The following PAPPA2 variants were observed in gnomAD, a reference collection of about 807,000 sequenced individuals.
PAPPA2 encodes pappalysin-2.
In PAPPA2, 86 loss-of-function variants were observed where a neutral mutation model predicts 176.4. That is an observed-to-expected ratio of 0.49 (90% CI 0.41 to 0.58). PAPPA2 has a LOEUF of 0.58. Ranked by LOEUF, PAPPA2 falls within the 20% of genes least tolerant of loss-of-function variation. PAPPA2 has a pLI of 0.00. For synonymous variants in PAPPA2, 809 were observed against 852.2 expected, an observed-to-expected ratio of 0.95 and a Z score of 0.88; for missense variants, 2,073 against 2,256.9, an observed-to-expected ratio of 0.92 and a Z score of 1.65.
intron 17 of PAPPA2, among the ~76,000 whole-genome samples, chr1:176,786,890 C>G (rs1047056840): frequency 3.9e-5 from 6 of 152,082 alleles, no homozygotes; most frequent in Non-Finnish European, 8.8e-5. Flanking sequence ...TACATGGACA[C>G]AAAGAAGGGA....
rs1234223998 is a variant in PAPPA2, at chr1:176,798,405, T to C, written c.5131-1656T>C. On this transcript the variant is annotated intron_variant, in intron 20 of 22. Coordinates refer to ENST00000367662, the MANE Select transcript of PAPPA2 (RefSeq NM_020318.3). ...GAGGTATTTATATGTTTGGTCTGAA[T>C]TGAATAACTGACTGATTAGGGTGGG... 2.6e-5 allele frequency among the ~76,000 whole-genome samples: 4 copies of C among 152,168 alleles called. No individual in the cohort carries two copies. In the East Asian group the frequency reaches 5.8e-4, roughly 22 times the overall value.
chr1:176,533,651 A>G (rs1044104260), intron 1 of PAPPA2, among the ~76,000 whole-genome samples: 5 of 152,210 alleles, frequency 3.3e-5, no homozygotes, highest in African/African-American at 4.8e-5. Context: ...TTCCTTCTAC[A>G]TGGATTCTGC....
At chr1:176,689,336 G>A (rs150011317) in intron 4 of PAPPA2, among the ~76,000 whole-genome samples, 365 of 152,276 alleles carry the variant, frequency 2.4e-3, no homozygotes, top group African/African-American at 8.5e-3. Flanking sequence ...AAGCCTGATT[G>A]GATGCAATGA....
At chr1:176,728,059 A>G (rs1661966265) in intron 12 of PAPPA2, among the ~76,000 whole-genome samples, 1 of 151,996 alleles carries the variant, frequency 6.6e-6, no homozygotes, top group Non-Finnish European at 1.5e-5. Flanking sequence ...GAATCAAAAT[A>G]AGATCAACAA....
At chr1:176,630,907 A>G (rs1034436220) in intron 3 of PAPPA2, among the ~76,000 whole-genome samples, 11 of 152,224 alleles carry the variant, frequency 7.2e-5, no homozygotes, top group South Asian at 2.1e-4. Context: ...AAAATTAAAT[A>G]TGCAGTTTGA....
At chr1:176,594,483 C>T (rs1439843439) in intron 2 of PAPPA2, 41 bp from the exon 3 acceptor site, 1 of 1,515,912 alleles carries the variant, frequency 6.6e-7, no homozygotes, top group Admixed American at 1.8e-5. Flanking sequence ...CCCTTTGTAT[C>T]TGGTATCTGT....
chr1:176,544,024 C>T (rs1051470192), intron 1 of PAPPA2, among the ~76,000 whole-genome samples: 3 of 152,302 alleles, frequency 2.0e-5, no homozygotes, highest in Non-Finnish European at 4.4e-5. Flanking sequence ...TAGACTCTAT[C>T]ATTTAAGTTT....
Position 176,585,533 on chromosome 1 carries a change from A to G in PAPPA2, c.920-8991A>G, listed in dbSNP as rs1294002183. 5.9e-5 allele frequency among the ~76,000 whole-genome samples: 9 copies of G among 152,162 alleles called. No homozygotes were observed. In the East Asian group the frequency reaches 1.7e-3, roughly 29 times the overall value. Reference sequence around the variant, plus strand: ...TCTGAATGTCCACCCCTTTTCTAAGACATGAGAAGTTTTTCACTATTATTT... The same window carrying G: ...TCTGAATGTCCACCCCTTTTCTAAGGCATGAGAAGTTTTTCACTATTATTT... On this transcript the variant is annotated intron_variant, in intron 2 of 22. Transcript: ENST00000367662.
At chr1:176,763,985 C>G (rs1010976934) in intron 14 of PAPPA2, among the ~76,000 whole-genome samples, 3 of 152,162 alleles carry the variant, frequency 2.0e-5, no homozygotes, top group East Asian at 1.9e-4. Context: ...GTATGCTCGG[C>G]TTTCTTGCTG....
At position 176,844,491 on chromosome 1, in the gene PAPPA2, A is replaced by C. The variant is rs1450389201; in HGVS notation, c.*2037A>C. 1 of 152,158 alleles carries C rather than the reference A, an allele frequency of 6.6e-6. No homozygotes were observed. Among genetic ancestry groups the C allele is most frequent in the African/African-American group, 2.4e-5 (1 of 41,436 alleles). 9.4% of individuals were successfully genotyped at this position (152,158 alleles called of 1,614,324 possible). On this transcript the variant is annotated 3_prime_UTR_variant, in exon 23 of 23. Transcript: ENST00000367662. ...AGTTATTGGGAAAAGGAAAGAGCAGAGTTCACCCATTCAAAAAAAACCTTT... is the reference window on the plus strand; with the variant it reads ...AGTTATTGGGAAAAGGAAAGAGCAGCGTTCACCCATTCAAAAAAAACCTTT...
chr1:176,591,124 C>A (rs888240363), intron 2 of PAPPA2, among the ~76,000 whole-genome samples: 34 of 141,934 alleles, frequency 2.4e-4, no homozygotes, highest in Admixed American at 1.3e-3. Context: ...CACACACACA[C>A]AAAATTCCAG....
chr1:176,678,377 C>T (rs1659413060), intron 4 of PAPPA2, among the ~76,000 whole-genome samples: 1 of 151,248 alleles, frequency 6.6e-6, no homozygotes, highest in African/African-American at 2.4e-5. Context: ...TTCTCTGTAC[C>T]ATACCAATTT....
At chr1:176,776,333 A>G (rs147975705) in intron 17 of PAPPA2, among the ~76,000 whole-genome samples, 7 of 152,136 alleles carry the variant, frequency 4.6e-5, no homozygotes, top group Non-Finnish European at 7.4e-5. Context: ...TGTTTCTATA[A>G]GTCACTCGTC....
At chr1:176,824,355 ACAAT>A (rs1368944794) in intron 21 of PAPPA2, among the ~76,000 whole-genome samples, 2 of 152,226 alleles carry the variant, frequency 1.3e-5, no homozygotes, top group Non-Finnish European at 2.9e-5. Context: ...TGCCACACAC[ACAAT>A]CAAATTTAAT....
intron 1 of PAPPA2, among the ~76,000 whole-genome samples, chr1:176,536,430 A>G (rs1166714135): frequency 6.6e-6 from 1 of 152,206 alleles, no homozygotes; most frequent in Non-Finnish European, 1.5e-5. Context: ...CATGGTATAG[A>G]TTTATTTAGC....
chr1:176,784,008 T>C lies in PAPPA2; in HGVS notation c.4716-5801T>C, dbSNP rs73048151. Reference sequence around the variant, plus strand: ...AAGTTGGAAATCATTGATCTCATGATCAGAATGTTATATTATGATTTGAAA... The same window carrying C: ...AAGTTGGAAATCATTGATCTCATGACCAGAATGTTATATTATGATTTGAAA... On this transcript the variant is annotated intron_variant, in intron 17 of 22. Transcript: ENST00000367662. Among the ~76,000 whole-genome samples, 1,218 of 152,324 alleles carry C rather than the reference T, an allele frequency of 8.0e-3. 11 individuals carry two copies. Among genetic ancestry groups the C allele is most frequent in the African/African-American group, 0.028 (1,147 of 41,566 alleles).
At chr1:176,755,364 C>A (rs1398095539) in intron 14 of PAPPA2, among the ~76,000 whole-genome samples, 1 of 152,148 alleles carries the variant, frequency 6.6e-6, no homozygotes, top group African/African-American at 2.4e-5. Context: ...TTATGTATAG[C>A]CCACAGAGCA....
chr1:176,630,201 G>A (rs16850046), intron 3 of PAPPA2, among the ~76,000 whole-genome samples: 11,242 of 152,206 alleles, frequency 0.074, 1,376 homozygotes, highest in African/African-American at 0.26. Context: ...TGTCACTAAT[G>A]AGAGTTGGCT....
intron 21 of PAPPA2, among the ~76,000 whole-genome samples, chr1:176,812,473 AT>A (rs1309543282): frequency 6.6e-6 from 1 of 152,144 alleles, no homozygotes; most frequent in East Asian, 1.9e-4. Context: ...AAGACTTCTA[AT>A]TGTGCTTCAA....
Sources: allele counts gnomAD v4.1 joint callset (sites outside exome capture counted in the v4.1 genomes callset), GRCh38; gene constraint gnomAD v4.1.1; transcripts MANE v1.5; gene names NCBI Gene and HGNC (gene_info 2026-07-23, HGNC 2026-07-21).